The following GPR158 variants were observed in gnomAD, a reference collection of about 807,000 sequenced individuals.
The protein encoded by GPR158 is metabotropic glycine receptor.
In GPR158, 30 loss-of-function variants were observed where a neutral mutation model predicts 78.2. The ratio of observed to expected loss-of-function variants is 0.38; its 90% confidence interval spans 0.29 to 0.52. The LOEUF (loss-of-function observed/expected upper bound fraction) is 0.52, where lower values mean the gene tolerates loss of function less well. Ranked by LOEUF, GPR158 falls within the 20% of genes least tolerant of loss-of-function variation. GPR158 has a pLI of 0.83. For missense variants in GPR158, 1,463 were observed against 1,523.5 expected (o/e 0.96, Z 0.66); for synonymous variants, 581 against 591.1 (o/e 0.98, Z 0.25).
intron 2 of GPR158, among the ~76,000 whole-genome samples, chr10:25,352,978 A>C (rs976443071): frequency 2.0e-5 from 3 of 152,192 alleles, no homozygotes; most frequent in Non-Finnish European, 4.4e-5. Context: ...AGGAGATAAA[A>C]GACAATCTGA....
At chr10:25,285,429 G>T (rs957536114) in intron 2 of GPR158, among the ~76,000 whole-genome samples, 12 of 152,082 alleles carry the variant, frequency 7.9e-5, no homozygotes, top group Non-Finnish European at 1.6e-4. Flanking sequence ...TGGGATGTTG[G>T]TAGCATGGTT....
intron 2 of GPR158, among the ~76,000 whole-genome samples, chr10:25,383,754 GA>G (rs890028631): frequency 1.3e-4 from 20 of 148,450 alleles, no homozygotes; most frequent in African/African-American, 2.7e-4. Flanking sequence ...AAGAAGAATA[GA>G]AAAAAAAAAG....
At chr10:25,214,399 A>G (rs1371425258) in intron 1 of GPR158, among the ~76,000 whole-genome samples, 1 of 152,226 alleles carries the variant, frequency 6.6e-6, no homozygotes, top group Non-Finnish European at 1.5e-5. Flanking sequence ...AAGATTAGTA[A>G]AGCTAGAAAA....
intron 9 of GPR158, 100 bp from the exon 10 acceptor site, chr10:25,596,543 A>C: frequency 1.3e-6 from 1 of 762,276 alleles, no homozygotes; most frequent in Non-Finnish European, 2.2e-6. Context: ...CTAGGTATAG[A>C]TATAGATACC....
At chr10:25,318,714 C>T (rs777018913) in intron 2 of GPR158, among the ~76,000 whole-genome samples, 2 of 152,002 alleles carry the variant, frequency 1.3e-5, no homozygotes, top group Non-Finnish European at 2.9e-5. Flanking sequence ...AATTTTTGTT[C>T]GTATGATCAC....
chr10:25,443,847 T>A (rs1351944971), intron 4 of GPR158, among the ~76,000 whole-genome samples: 1 of 152,090 alleles, frequency 6.6e-6, no homozygotes, highest in East Asian at 1.9e-4. Flanking sequence ...TCTACAGATC[T>A]TTCAGACCTC....
At chr10:25,339,740 A>G (rs1855276716) in intron 2 of GPR158, among the ~76,000 whole-genome samples, 1 of 152,046 alleles carries the variant, frequency 6.6e-6, no homozygotes, top group Admixed American at 6.6e-5. Context: ...TGCGTTTTCT[A>G]TATTTGATGC....
intron 3 of GPR158, among the ~76,000 whole-genome samples, chr10:25,396,862 G>C (rs78753486): frequency 1.3e-5 from 2 of 152,162 alleles, no homozygotes; most frequent in Non-Finnish European, 2.9e-5. Context: ...CCTCTTCAAA[G>C]CTCCTTAGGA....
intron 4 of GPR158, among the ~76,000 whole-genome samples, chr10:25,433,702 T>TTTTTC (rs2130579702): frequency 6.9e-6 from 1 of 144,582 alleles, no homozygotes; most frequent in African/African-American, 2.5e-5. Context: ...TTCTTTTTTT[T>TTTTTC]TTTTTTTTTG....
intron 2 of GPR158, among the ~76,000 whole-genome samples, chr10:25,375,653 C>T (rs1030996874): frequency 6.6e-6 from 1 of 151,450 alleles, no homozygotes; most frequent in African/African-American, 2.4e-5. Flanking sequence ...AAAAAGTGAT[C>T]CTTTTTCCGC....
intron 1 of GPR158, among the ~76,000 whole-genome samples, chr10:25,204,867 C>G (rs1249840128): frequency 7.0e-6 from 1 of 143,802 alleles, no homozygotes; most frequent in Non-Finnish European, 1.5e-5. Flanking sequence ...GGTAATGTCC[C>G]TGATATGGTT....
chr10:25,579,266 T>C (rs2130738384), intron 7 of GPR158, among the ~76,000 whole-genome samples: 1 of 152,224 alleles, frequency 6.6e-6, no homozygotes, highest in African/African-American at 2.4e-5. Context: ...GTCAAAACTT[T>C]ATTCCCCTAT....
chr10:25,272,394 G>A (rs1854129284), intron 2 of GPR158, among the ~76,000 whole-genome samples: 1 of 152,000 alleles, frequency 6.6e-6, no homozygotes, highest in African/African-American at 2.4e-5. Flanking sequence ...CACTTCTCTG[G>A]TAGATGATTT....
intron 3 of GPR158, among the ~76,000 whole-genome samples, chr10:25,409,667 A>G (rs1374653379): frequency 6.6e-6 from 1 of 152,224 alleles, no homozygotes; most frequent in African/African-American, 2.4e-5. Context: ...TAATTTCTCC[A>G]ACTATGCTCT....
intron 2 of GPR158, among the ~76,000 whole-genome samples, chr10:25,303,004 T>G (rs1854621311): frequency 6.6e-6 from 1 of 152,198 alleles, no homozygotes; most frequent in Non-Finnish European, 1.5e-5. Flanking sequence ...GTAATCATAA[T>G]ACGTGGCATT....
At chr10:25,317,302 C>T (rs1265675742) in intron 2 of GPR158, among the ~76,000 whole-genome samples, 3 of 152,012 alleles carry the variant, frequency 2.0e-5, no homozygotes, top group African/African-American at 7.3e-5. Context: ...CCCACCTCAG[C>T]CTCCTAAAGT....
At chr10:25,193,517 G>T (rs1852803912) in intron 1 of GPR158, among the ~76,000 whole-genome samples, 1 of 152,218 alleles carries the variant, frequency 6.6e-6, no homozygotes, top group Non-Finnish European at 1.5e-5. Flanking sequence ...TGTAGTGAGA[G>T]ATGGGTAATG....
At chr10:25,378,148 C>T (rs1260646116) in intron 2 of GPR158, among the ~76,000 whole-genome samples, 1 of 152,068 alleles carries the variant, frequency 6.6e-6, no homozygotes, top group South Asian at 2.1e-4. Flanking sequence ...GAATAGTGCA[C>T]AAACTTAACT....
At chr10:25,321,919 G>A (rs1564421862) in intron 2 of GPR158, among the ~76,000 whole-genome samples, 1 of 152,026 alleles carries the variant, frequency 6.6e-6, no homozygotes, top group Non-Finnish European at 1.5e-5. Context: ...GATATTTAGA[G>A]AATATGGAAA....
Sources: gnomAD v4.1 joint callset for allele counts (sites outside exome capture counted in the v4.1 genomes callset) on GRCh38, gnomAD v4.1.1 for gene constraint, MANE v1.5 for transcripts, NCBI Gene and HGNC (gene_info 2026-07-23, HGNC 2026-07-21) for gene names.